DPYD: variants seen among roughly 807,000 people sequenced by gnomAD.
DPYD encodes the protein dihydropyrimidine dehydrogenase.
DPYD carries 109 observed loss-of-function variants against 116.2 expected under a neutral mutation model. That is an observed-to-expected ratio of 0.94 (90% CI 0.80 to 1.10). The LOEUF (loss-of-function observed/expected upper bound fraction) is 1.10. DPYD is among the 50% of genes least tolerant of loss of function. The pLI, the probability that DPYD is intolerant of heterozygous loss-of-function variation, is 0.00. For synonymous variants in DPYD, 440 were observed against 432.0 expected (o/e 1.02, Z -0.23); for missense variants, 1,302 against 1,254.5 (o/e 1.04, Z -0.57).
intron 16 of DPYD, among the ~76,000 whole-genome samples, chr1:97,318,103 C>A (rs1667977171): frequency 6.8e-6 from 1 of 146,256 alleles, no homozygotes; most frequent in Non-Finnish European, 1.5e-5. Flanking sequence ...AAAGGAACAA[C>A]TGGTACCAGC....
At chr1:97,636,978 A>T (rs1268435212) in intron 8 of DPYD, among the ~76,000 whole-genome samples, 5 of 152,166 alleles carry the variant, frequency 3.3e-5, no homozygotes, top group Non-Finnish European at 5.9e-5. Flanking sequence ...AGGTCCCCAG[A>T]GTTGGTATAA....
chr1:97,599,974 G>T (rs1020825355), intron 8 of DPYD, among the ~76,000 whole-genome samples: 2 of 151,500 alleles, frequency 1.3e-5, no homozygotes, highest in African/African-American at 2.4e-5. Flanking sequence ...GCACCTGGGA[G>T]GCAGAGGTTG....
At chr1:97,813,538 G>A (rs1668430873) in intron 3 of DPYD, among the ~76,000 whole-genome samples, 1 of 152,048 alleles carries the variant, frequency 6.6e-6, no homozygotes, top group African/African-American at 2.4e-5. Context: ...AAGATAATTG[G>A]TTTGTAAACA....
intron 18 of DPYD, among the ~76,000 whole-genome samples, chr1:97,263,996 T>G (rs1664052627): frequency 6.6e-6 from 1 of 152,024 alleles, no homozygotes; most frequent in African/African-American, 2.4e-5. Flanking sequence ...ATTATCTTTT[T>G]TCTTTTATCT....
chr1:97,622,919 G>A (rs751223610), intron 8 of DPYD, among the ~76,000 whole-genome samples: 7 of 151,958 alleles, frequency 4.6e-5, no homozygotes, highest in African/African-American at 7.2e-5. Context: ...AAAGAATGGC[G>A]TTTACACAGA....
intron 19 of DPYD, among the ~76,000 whole-genome samples, chr1:97,202,790 G>T (rs2101848240): frequency 6.6e-6 from 1 of 152,252 alleles, no homozygotes; most frequent in Non-Finnish European, 1.5e-5. Context: ...TCTCAATAAT[G>T]ACTGCAACCA....
At chr1:97,248,582 A>G (rs1662879578) in intron 18 of DPYD, among the ~76,000 whole-genome samples, 1 of 152,228 alleles carries the variant, frequency 6.6e-6, no homozygotes, top group Non-Finnish European at 1.5e-5. Flanking sequence ...TTCACCAATC[A>G]ACTGAATAAA....
intron 1 of DPYD, 24 bp downstream of exon 1, chr1:97,920,860 G>T: frequency 1.3e-6 from 2 of 1,584,338 alleles, no homozygotes; most frequent in Non-Finnish European, 1.7e-6. Flanking sequence ...CGCCACCACC[G>T]ACGAGCCGGC....
intron 5 of DPYD, among the ~76,000 whole-genome samples, chr1:97,717,446 T>G (rs1224964206): frequency 6.6e-6 from 1 of 152,088 alleles, no homozygotes; most frequent in Non-Finnish European, 1.5e-5. Flanking sequence ...TTCTTACATT[T>G]TTAAATATTT....
At chr1:97,157,521 A>G (rs1655560506) in intron 20 of DPYD, among the ~76,000 whole-genome samples, 1 of 152,156 alleles carries the variant, frequency 6.6e-6, no homozygotes, top group African/African-American at 2.4e-5. Context: ...CCCTATATGG[A>G]GTTTCCTATT....
chr1:97,839,626 T>C (rs1669946675), intron 2 of DPYD, among the ~76,000 whole-genome samples: 1 of 152,206 alleles, frequency 6.6e-6, no homozygotes, highest in African/African-American at 2.4e-5. Context: ...GATGGAATCA[T>C]AGTTTTATTT....
At chr1:97,082,690 G>A (rs903703518) in intron 21 of DPYD, among the ~76,000 whole-genome samples, 39 of 152,074 alleles carry the variant, frequency 2.6e-4, no homozygotes, top group African/African-American at 8.9e-4. Flanking sequence ...TTAGAAATAC[G>A]AGACCTAATT....
Position 97,082,351 on chromosome 1 carries a change from G to GGT in DPYD, c.2884_2885dup (p.Cys963ProfsTer21). 6.2e-7 allele frequency: 1 copy of GGT among 1,613,470 alleles called. No homozygotes were observed. The highest frequency in any genetic ancestry group is 8.5e-7 in the Non-Finnish European group (1 of 1,179,550). ...TTACCTGGTAGCCAGAATCATTACA[G>GGT]GTCATGTAGCATTTACCACAGTTGA... On this transcript the variant is annotated frameshift_variant, in exon 22 of 23. Coordinates refer to ENST00000370192, the MANE Select transcript of DPYD (RefSeq NM_000110.4). LOFTEE classifies it high-confidence loss of function.
At chr1:97,240,688 AT>A (rs1406031954) in intron 18 of DPYD, among the ~76,000 whole-genome samples, 1 of 152,026 alleles carries the variant, frequency 6.6e-6, no homozygotes, top group Non-Finnish European at 1.5e-5. Context: ...TGACTGTCTA[AT>A]TGTTAACAGT....
rs112876933 is a variant in DPYD at position 97,334,463 on chromosome 1, A to AAAACAAACAAAC, written c.2059-28178_2059-28167dup. Reference sequence around the variant, plus strand: ...TGTTCAACTCATCTGTCTACATTAAAAAACAAACAAACAAAACAATAGCAG... The same window carrying AAAACAAACAAAC: ...TGTTCAACTCATCTGTCTACATTAAAAAACAAACAAACAAACAAACAAACAAAACAATAGCAG... On this transcript the variant is annotated intron_variant, in intron 16 of 22. Coordinates refer to ENST00000370192, the MANE Select transcript of DPYD (RefSeq NM_000110.4). Among the ~76,000 whole-genome samples the AAAACAAACAAAC allele has an allele frequency of 1.2e-4, 18 of 151,860 alleles. No individual in the cohort carries two copies. The South Asian group carries it at 3.1e-3, about 26-fold the overall frequency.
At position 97,755,634 on chromosome 1, in the gene DPYD, A is replaced by G. The variant is rs1164955167; in HGVS notation, c.234-15155T>C. ...CTCTCTTCTTTTATCCACACTCCAT[A>G]CATTTGATACCCACCACAACACAAT... On this transcript the variant is annotated intron_variant, in intron 3 of 22. Coordinates refer to ENST00000370192, the MANE Select transcript of DPYD (RefSeq NM_000110.4). Among the ~76,000 whole-genome samples, 5 of 152,104 alleles carry G rather than the reference A, an allele frequency of 3.3e-5. No homozygotes were observed. The East Asian group carries it at 9.7e-4, about 29-fold the overall frequency.
chr1:97,586,982 AT>A (rs533299837), intron 10 of DPYD, among the ~76,000 whole-genome samples: 54 of 152,326 alleles, frequency 3.5e-4, no homozygotes, highest in African/African-American at 1.3e-3. Flanking sequence ...AAAATATAAA[AT>A]GAGGAATGGA....
chr1:97,629,214 AC>A (rs1331142336), intron 8 of DPYD, among the ~76,000 whole-genome samples: 1 of 152,052 alleles, frequency 6.6e-6, no homozygotes, highest in Non-Finnish European at 1.5e-5. Flanking sequence ...CTTACCACTT[AC>A]ATTGTTACCA....
intron 8 of DPYD, among the ~76,000 whole-genome samples, chr1:97,648,056 T>C (rs979074262): frequency 6.6e-6 from 1 of 152,046 alleles, no homozygotes; most frequent in Admixed American, 6.6e-5. Flanking sequence ...GAAAGGAACC[T>C]TGTAGTCATA....
Sources: gnomAD v4.1 joint callset for allele counts (sites outside exome capture counted in the v4.1 genomes callset) on GRCh38, gnomAD v4.1.1 for gene constraint, MANE v1.5 for transcripts, NCBI Gene and HGNC (gene_info 2026-07-23, HGNC 2026-07-21) for gene names.